SYNE1: variants seen among roughly 807,000 people sequenced by gnomAD.
SYNE1 encodes the protein nesprin-1.
Under a neutral mutation model 1,111.0 loss-of-function variants are expected in SYNE1, and 616 were observed. The ratio of observed to expected loss-of-function variants is 0.55; its 90% confidence interval spans 0.52 to 0.59. SYNE1 has a LOEUF of 0.59. SYNE1 is among the 20% of genes least tolerant of loss of function. The pLI is 0.00. For missense variants in SYNE1, 10,006 were observed against 10,417.0 expected (o/e 0.96, Z 1.72); for synonymous variants, 3,855 against 3,825.8 (o/e 1.01, Z -0.28).
intron 14 of SYNE1, among the ~76,000 whole-genome samples, chr6:152,474,874 G>A (rs1163774659): frequency 6.6e-6 from 1 of 151,884 alleles, no homozygotes; most frequent in African/African-American, 2.4e-5. Context: ...AAATGAGGAA[G>A]GAGACAAAAA....
Position 152,465,446 on chromosome 6 carries a change from T to C in SYNE1, c.1744A>G (p.Asn582Asp), listed in dbSNP as rs746108551. 2.5e-6 allele frequency: 4 copies of C among 1,613,302 alleles called. No individual in the cohort carries two copies. Among genetic ancestry groups the C allele is most frequent in the Non-Finnish European group, 2.5e-6 (3 of 1,179,646 alleles). The change falls in exon 18 of 146, where the codon AAT becomes GAT. Residue 582 changes from asparagine to aspartate, a missense_variant. Around this residue, in one of 7 missense-constraint regions of SYNE1, gnomAD observed 1,971 missense variants for 2,084.1 expected, o/e 0.95. Coordinates refer to ENST00000367255, the MANE Select transcript of SYNE1 (RefSeq NM_182961.4). Reference protein sequence around the residue: ...KADGSVEEAENVMKFMNETTA... With the variant: ...KADGSVEEAEDVMKFMNETTA... ...GTTTCATTCATGAATTTCATCACAT[T>C]CTCAGCTTCTTCCACTGAAACAGAT... is the stretch of plus-strand genomic sequence containing the variant.
intron 130 of SYNE1, among the ~76,000 whole-genome samples, chr6:152,169,904 A>G (rs948798949): frequency 6.6e-6 from 1 of 152,114 alleles, no homozygotes; most frequent in Non-Finnish European, 1.5e-5. Flanking sequence ...TTATAAAACA[A>G]TCATTCTTCT....
At chr6:152,360,371 T>C (rs2096911753) in intron 64 of SYNE1, among the ~76,000 whole-genome samples, 1 of 152,176 alleles carries the variant, frequency 6.6e-6, no homozygotes, top group South Asian at 2.1e-4. Context: ...CTTTTTATTC[T>C]ATCCGGAATG....
chr6:152,518,813 A>G (rs971855763), intron 6 of SYNE1, among the ~76,000 whole-genome samples: 3 of 152,006 alleles, frequency 2.0e-5, no homozygotes, highest in African/African-American at 7.2e-5. Flanking sequence ...CACGTGCGAG[A>G]AGCTACATAT....
At chr6:152,567,757 C>T (rs1042269180) in intron 3 of SYNE1, among the ~76,000 whole-genome samples, 3 of 151,994 alleles carry the variant, frequency 2.0e-5, no homozygotes, top group Non-Finnish European at 2.9e-5. Context: ...AAAAGGAGGG[C>T]GGTCTGACTT....
chr6:152,276,718 A>G (rs927356781), intron 98 of SYNE1, among the ~76,000 whole-genome samples: 1 of 152,010 alleles, frequency 6.6e-6, no homozygotes. Context: ...TGCAGGAGAA[A>G]GGTGTAAATG....
chr6:152,239,051 C>T (rs376535969), intron 108 of SYNE1, among the ~76,000 whole-genome samples: 15 of 151,992 alleles, frequency 9.9e-5, no homozygotes, highest in Non-Finnish European at 1.3e-4. Context: ...GCACCCACGA[C>T]GACGTCCGGC....
intron 77 of SYNE1, 98 bp downstream of exon 77, chr6:152,333,910 G>T: frequency 1.3e-6 from 2 of 1,528,724 alleles, no homozygotes; most frequent in Non-Finnish European, 1.8e-6. Context: ...TGGGATTACA[G>T]GCATCAGCCA....
At chr6:152,197,443 T>C (rs1442340289) in intron 127 of SYNE1, among the ~76,000 whole-genome samples, 2 of 152,188 alleles carry the variant, frequency 1.3e-5, no homozygotes, top group African/African-American at 4.8e-5. Context: ...AGATCCATCA[T>C]AGGAATCACT....
chr6:152,168,174 T>C (rs772127773), intron 130 of SYNE1: 1 of 774,334 alleles, frequency 1.3e-6, no homozygotes, highest in Non-Finnish European at 2.4e-6. Flanking sequence ...TCTGCCATCC[T>C]CAGGGCACTC....
At chr6:152,390,475 C>T (rs769141110) in intron 52 of SYNE1, 23 bp from the exon 53 acceptor site, 1 of 1,612,572 alleles carries the variant, frequency 6.2e-7, no homozygotes, top group South Asian at 1.1e-5. Flanking sequence ...AAAGAATACT[C>T]ATCAGTAGGC....
chr6:152,215,814 C>G (rs2078499470), intron 121 of SYNE1, among the ~76,000 whole-genome samples: 1 of 152,320 alleles, frequency 6.6e-6, no homozygotes, highest in East Asian at 1.9e-4. Context: ...TTGCTCCAGG[C>G]CAGCCAGCTA....
Position 152,601,853 on chromosome 6 carries a change from C to T in SYNE1, c.67+26412G>A, listed in dbSNP as rs544159204. On this transcript the variant is annotated intron_variant, in intron 3 of 145. Transcript: ENST00000367255. ...GTCCACTCATTACTGATTCCATATACTCAGAAGTAGGCTGTGTGTAAAAAG... is the reference window on the plus strand; with the variant it reads ...GTCCACTCATTACTGATTCCATATATTCAGAAGTAGGCTGTGTGTAAAAAG... Among the ~76,000 whole-genome samples, 3 of 152,254 alleles carry T rather than the reference C, an allele frequency of 2.0e-5. No homozygotes were observed. In the East Asian group the frequency reaches 5.8e-4, roughly 29 times the overall value.
chr6:152,308,345 T>G, intron 91 of SYNE1, 144 bp downstream of exon 91: 2 of 1,150,798 alleles, frequency 1.7e-6, no homozygotes, highest in Non-Finnish European at 2.5e-6. Flanking sequence ...TCACAATGCT[T>G]AGATAGCCAA....
At chr6:152,183,354 T>C (rs1418529469) in intron 128 of SYNE1, among the ~76,000 whole-genome samples, 4 of 152,112 alleles carry the variant, frequency 2.6e-5, no homozygotes, top group African/African-American at 9.7e-5. Flanking sequence ...TGGTGGCACA[T>C]GCCTGTAATC....
intron 50 of SYNE1, among the ~76,000 whole-genome samples, chr6:152,396,066 T>G (rs899977492): frequency 6.6e-6 from 1 of 152,190 alleles, no homozygotes; most frequent in East Asian, 1.9e-4. Context: ...TACATTCTCA[T>G]GTCAATGTGC....
intron 47 of SYNE1, among the ~76,000 whole-genome samples, chr6:152,400,669 A>G (rs1311401652): frequency 1.3e-5 from 2 of 152,150 alleles, no homozygotes; most frequent in Admixed American, 6.5e-5. Flanking sequence ...CTCAAAAAAT[A>G]AAAATAAAAA....
chr6:152,588,313 A>T (rs542599112), intron 3 of SYNE1, among the ~76,000 whole-genome samples: 40 of 152,264 alleles, frequency 2.6e-4, no homozygotes, highest in Non-Finnish European at 5.0e-4. Context: ...GAAGTATCTT[A>T]TATAATCTGT....
chr6:152,374,566 G>A (rs954009514), intron 58 of SYNE1, among the ~76,000 whole-genome samples: 15 of 152,180 alleles, frequency 9.9e-5, no homozygotes, highest in African/African-American at 3.1e-4. Flanking sequence ...TTGAGCCCAG[G>A]ACTTCGAGAC....
Sources: allele counts gnomAD v4.1 joint callset (sites outside exome capture counted in the v4.1 genomes callset), GRCh38; gene constraint gnomAD v4.1.1; regional missense constraint gnomAD v4.1.1; transcripts MANE v1.5; gene names NCBI Gene and HGNC (gene_info 2026-07-23, HGNC 2026-07-21).